Variants in GALNTL6 observed in about 807,000 individuals in gnomAD.
The protein encoded by GALNTL6 is polypeptide N-acetylgalactosaminyltransferase like 6.
In GALNTL6, 46 loss-of-function variants were observed where a neutral mutation model predicts 73.7. The ratio of observed to expected loss-of-function variants is 0.62; its 90% CI spans 0.49 to 0.80. The LOEUF is 0.80. Among genes scored for constraint, GALNTL6 ranks in the 30% least tolerant of loss-of-function variants. The pLI is 0.00. For synonymous variants in GALNTL6, 259 were observed against 263.7 expected (o/e 0.98, Z 0.17); for missense variants, 604 against 755.0 (o/e 0.80, Z 2.34).
intron 5 of GALNTL6, among the ~76,000 whole-genome samples, chr4:172,376,327 A>C (rs1743027116): frequency 6.6e-6 from 1 of 152,138 alleles, no homozygotes; most frequent in African/African-American, 2.4e-5. Context: ...GGTAGATAGA[A>C]TAGATGGGCT....
At chr4:173,037,285 A>G (rs993783860) in intron 12 of GALNTL6, among the ~76,000 whole-genome samples, 1 of 152,186 alleles carries the variant, frequency 6.6e-6, no homozygotes, top group Admixed American at 6.5e-5. Context: ...TAAAATGCTC[A>G]TTCAATTTTA....
chr4:172,167,352 T>A (rs1036453298), intron 2 of GALNTL6, among the ~76,000 whole-genome samples: 2 of 152,162 alleles, frequency 1.3e-5, no homozygotes, highest in Non-Finnish European at 2.9e-5. Flanking sequence ...GTATAATAAT[T>A]TAGAAGATGG....
intron 10 of GALNTL6, among the ~76,000 whole-genome samples, chr4:172,997,950 G>A (rs2126470264): frequency 6.6e-6 from 1 of 152,320 alleles, no homozygotes; most frequent in East Asian, 1.9e-4. Context: ...AGGAAAAGGT[G>A]ATTTGAAGCA....
chr4:172,443,432 C>T (rs1309137192), intron 5 of GALNTL6, among the ~76,000 whole-genome samples: 1 of 151,748 alleles, frequency 6.6e-6, no homozygotes, highest in Non-Finnish European at 1.5e-5. Flanking sequence ...TCCCAAAGTG[C>T]TGGGATTGCA....
chr4:173,021,949 G>A (rs1055013926), intron 12 of GALNTL6, among the ~76,000 whole-genome samples: 6 of 151,464 alleles, frequency 4.0e-5, no homozygotes, highest in Non-Finnish European at 7.4e-5. Context: ...AGCCAAGATC[G>A]TGCCACTACA....
At chr4:173,000,357 A>G (rs1201024108) in intron 10 of GALNTL6, among the ~76,000 whole-genome samples, 1 of 152,196 alleles carries the variant, frequency 6.6e-6, no homozygotes, top group East Asian at 1.9e-4. Context: ...CATTTAACAA[A>G]TGGGTCTAAA....
At chr4:172,741,971 C>A (rs12651057) in intron 5 of GALNTL6, among the ~76,000 whole-genome samples, 2 of 151,292 alleles carry the variant, frequency 1.3e-5, no homozygotes, top group Admixed American at 1.3e-4. Flanking sequence ...AAAATAAGAA[C>A]GAATAAAAAT....
intron 5 of GALNTL6, among the ~76,000 whole-genome samples, chr4:172,783,762 C>A (rs184466017): frequency 6.6e-6 from 1 of 151,942 alleles, no homozygotes; most frequent in African/African-American, 2.4e-5. Flanking sequence ...CAGTGATAAG[C>A]CCTGTTCAGC....
rs1734442170 is a variant in GALNTL6, at chr4:171,813,698, T to G, written c.-462T>G. 6.6e-6 allele frequency: 1 copy of G among 152,264 alleles called. No individual in the cohort carries two copies. Among genetic ancestry groups the G allele is most frequent in the Non-Finnish European group, 1.5e-5 (1 of 68,110 alleles). 9.4% of individuals were successfully genotyped at this position (152,264 alleles called of 1,614,324 possible). A position where few individuals can be genotyped will look rare whatever the true frequency, so the allele number is the denominator to read the frequency against. On this transcript the variant is annotated 5_prime_UTR_variant, in exon 1 of 13. It adds an upstream start codon to the 5' untranslated region. Transcript: ENST00000506823. The surrounding 1 kb of genome is among the most constrained non-coding windows in gnomAD (Gnocchi z 5.2). ...GCGTCACCGGGGGAAGGGACGAGAT[T>G]GATGGGCAGAGCGCTCACTTCTCAG...
chr4:171,818,808 A>C (rs1345949451), intron 2 of GALNTL6, among the ~76,000 whole-genome samples: 1 of 151,586 alleles, frequency 6.6e-6, no homozygotes, highest in Admixed American at 6.6e-5. Context: ...ACCTCCATTA[A>C]AAAAAAATTC....
intron 10 of GALNTL6, among the ~76,000 whole-genome samples, chr4:172,975,301 C>T (rs1241103713): frequency 1.3e-5 from 2 of 152,100 alleles, no homozygotes; most frequent in South Asian, 2.1e-4. Context: ...GAGAGGAGAC[C>T]CAGAGTGGGC....
At chr4:172,050,234 A>G (rs1389024343) in intron 2 of GALNTL6, among the ~76,000 whole-genome samples, 1 of 152,160 alleles carries the variant, frequency 6.6e-6, no homozygotes, top group Non-Finnish European at 1.5e-5. Flanking sequence ...ATTTATTTGC[A>G]GGGCACCAAG....
chr4:172,862,713 A>T (rs1744458036), intron 7 of GALNTL6, among the ~76,000 whole-genome samples: 1 of 89,526 alleles, frequency 1.1e-5, no homozygotes, highest in Non-Finnish European at 3.2e-5. Context: ...AAAAAGAAAA[A>T]GAGAAAGAAA....
chr4:172,819,356 A>C lies in GALNTL6; in HGVS notation c.923+5633A>C, dbSNP rs576529975. Among the ~76,000 whole-genome samples the C allele has an allele frequency of 2.2e-4, 33 of 152,386 alleles. 1 individual carries two copies. In the South Asian group the frequency reaches 5.8e-3, roughly 27 times the overall value. ...AAAGTCAGTGGTTCTTAGGCAACAA[A>C]TATAACTTTCTGCTAAATTTAGGCT... On this transcript the variant is annotated intron_variant, in intron 7 of 12. Coordinates refer to ENST00000506823, the MANE Select transcript of GALNTL6 (RefSeq NM_001034845.3).
intron 5 of GALNTL6, among the ~76,000 whole-genome samples, chr4:172,748,294 C>T (rs555698194): frequency 6.6e-6 from 1 of 152,186 alleles, no homozygotes; most frequent in African/African-American, 2.4e-5. Flanking sequence ...TCGCAGTACG[C>T]ACTCACACAC....
chr4:172,339,636 T>C (rs1455979823), intron 4 of GALNTL6, among the ~76,000 whole-genome samples: 3 of 152,176 alleles, frequency 2.0e-5, no homozygotes, highest in Non-Finnish European at 4.4e-5. Flanking sequence ...GCTGCAACTT[T>C]TCCCAATGTC....
intron 5 of GALNTL6, among the ~76,000 whole-genome samples, chr4:172,539,904 T>A (rs926936543): frequency 8.2e-6 from 1 of 122,396 alleles, no homozygotes; most frequent in African/African-American, 3.3e-5. Flanking sequence ...TATATATATA[T>A]ATAAAAAATC....
chr4:172,271,514 A>ATG (rs1358288129), intron 3 of GALNTL6, among the ~76,000 whole-genome samples: 1 of 152,170 alleles, frequency 6.6e-6, no homozygotes, highest in Non-Finnish European at 1.5e-5. Flanking sequence ...TGATGTGCAT[A>ATG]TGTGTGTATA....
chr4:171,831,953 A>G (rs113524857), intron 2 of GALNTL6, among the ~76,000 whole-genome samples: 2 of 151,546 alleles, frequency 1.3e-5, no homozygotes, highest in African/African-American at 4.8e-5. Flanking sequence ...TTAATACTTT[A>G]TATGATTGTA....
Sources: gnomAD v4.1 joint callset for allele counts (sites outside exome capture counted in the v4.1 genomes callset) on GRCh38, gnomAD v4.1.1 for gene constraint, Gnocchi (gnomAD v3.1) non-coding constraint, MANE v1.5 for transcripts, NCBI Gene and HGNC (gene_info 2026-07-23, HGNC 2026-07-21) for gene names.